The following PKP2 variants were observed in gnomAD, a reference collection of about 807,000 sequenced individuals.
The protein encoded by PKP2 is plakophilin 2.
PKP2 carries 73 observed loss-of-function variants against 83.4 expected under a neutral mutation model. The observed-to-expected ratio is 0.88, with a 90% CI of 0.72 to 1.06. The LOEUF is 1.06. PKP2 is among the 50% of genes least tolerant of loss of function. PKP2 has a pLI of 0.00. For missense variants in PKP2, 966 were observed against 1,065.4 expected, an observed-to-expected ratio of 0.91 and a Z score of 1.30; for synonymous variants, 409 against 430.4, an observed-to-expected ratio of 0.95 and a Z score of 0.62.
intron 4 of PKP2, among the ~76,000 whole-genome samples, chr12:32,852,818 T>C (rs894067203): frequency 2.6e-5 from 4 of 152,112 alleles, no homozygotes; most frequent in Non-Finnish European, 5.9e-5. Flanking sequence ...GCACGGTGGC[T>C]TATGCCTGTA....
chr12:32,856,531 C>G lies in PKP2; in HGVS notation c.1171-5558G>C, dbSNP rs144197674. Among the ~76,000 whole-genome samples the G allele has an allele frequency of 5.5e-3, 830 of 152,092 alleles. 10 individuals carry two copies. Among genetic ancestry groups the G allele is most frequent in the African/African-American group, 0.019 (777 of 41,468 alleles). On this transcript the variant is annotated intron_variant, in intron 4 of 12. Coordinates refer to ENST00000340811, the MANE Select transcript of PKP2 (RefSeq NM_001005242.3). ...AAAGAAGGTTCACCCCATGTTCTCA[C>G]TCATAGGTGGGAACTGAACAATGAG...
intron 5 of PKP2, among the ~76,000 whole-genome samples, chr12:32,850,554 A>G (rs1956686369): frequency 6.6e-6 from 1 of 151,444 alleles, no homozygotes; most frequent in African/African-American, 2.4e-5. Flanking sequence ...TGATAGAGCA[A>G]GATTCTGTCT....
chr12:32,835,270 C>T (rs895985015), intron 6 of PKP2, among the ~76,000 whole-genome samples: 9 of 152,074 alleles, frequency 5.9e-5, no homozygotes, highest in Admixed American at 5.9e-4. Context: ...GGGCAGGCTG[C>T]TCTTGAACTC....
intron 9 of PKP2, among the ~76,000 whole-genome samples, chr12:32,816,755 T>C (rs1956323924): frequency 6.6e-6 from 1 of 152,138 alleles, no homozygotes; most frequent in Admixed American, 6.5e-5. Flanking sequence ...CATCTGTTGT[T>C]TTTTGACTTT....
chr12:32,872,460 G>A (rs1284178410), intron 3 of PKP2, among the ~76,000 whole-genome samples: 3 of 152,134 alleles, frequency 2.0e-5, no homozygotes, highest in Non-Finnish European at 4.4e-5. Flanking sequence ...CTTGAACCTG[G>A]GAGATGGAGG....
At chr12:32,883,105 A>G (rs1164074855) in intron 1 of PKP2, among the ~76,000 whole-genome samples, 2 of 152,248 alleles carry the variant, frequency 1.3e-5, no homozygotes, top group Non-Finnish European at 2.9e-5. Context: ...GGCTGTTTTA[A>G]TGGTTCGCCA....
At chr12:32,878,787 C>T in intron 2 of PKP2, 133 bp downstream of exon 2, 1 of 703,470 alleles carries the variant, frequency 1.4e-6, no homozygotes. Flanking sequence ...TCATAAATAT[C>T]AATTTTCTCA....
chr12:32,806,946 C>T (rs1427768188), intron 9 of PKP2, among the ~76,000 whole-genome samples: 7 of 152,120 alleles, frequency 4.6e-5, no homozygotes, highest in Non-Finnish European at 1.0e-4. Flanking sequence ...TGACTTCTGC[C>T]TTAATTTCGT....
chr12:32,808,101 G>A (rs1264854563), intron 9 of PKP2, among the ~76,000 whole-genome samples: 1 of 152,194 alleles, frequency 6.6e-6, no homozygotes, highest in African/African-American at 2.4e-5. Flanking sequence ...TCTACTGGAT[G>A]ATATACTAAA....
At position 32,865,681 on chromosome 12, in the gene PKP2, C is replaced by CAAAAAAAAAAAAAAAAAAAAAAAAAAAAA. The variant is rs765071380; in HGVS notation, c.1170+3245_1170+3246insTTTTTTTTTTTTTTTTTTTTTTTTTTTTT. 8.2e-4 allele frequency among the ~76,000 whole-genome samples: 85 copies of CAAAAAAAAAAAAAAAAAAAAAAAAAAAAA among 103,558 alleles called. 8 individuals carry two copies. Among genetic ancestry groups the CAAAAAAAAAAAAAAAAAAAAAAAAAAAAA allele is most frequent in the Middle Eastern group, 4.9e-3 (1 of 204 alleles). The allele number at this position is 103,558 out of a possible 152,430, so 67.9% of individuals were successfully genotyped here. A position where few individuals can be genotyped will look rare whatever the true frequency, so the allele number is the denominator to read the frequency against. ...TGTCTGGAACAGAGTGACTCCGTCT[C>CAAAAAAAAAAAAAAAAAAAAAAAAAAAAA]AAAAAAAAAAAGACAAATAGATCAA... On this transcript the variant is annotated intron_variant, in intron 4 of 12. Coordinates refer to ENST00000340811, the MANE Select transcript of PKP2 (RefSeq NM_001005242.3).
At chr12:32,832,585 C>G (rs1355348077) in intron 6 of PKP2, among the ~76,000 whole-genome samples, 2 of 152,102 alleles carry the variant, frequency 1.3e-5, no homozygotes, top group African/African-American at 2.4e-5. Context: ...AGCCAAATAA[C>G]TGAGGCTGAA....
chr12:32,864,309 T>TACACACAC (rs35886681), intron 4 of PKP2, among the ~76,000 whole-genome samples: 2 of 145,830 alleles, frequency 1.4e-5, no homozygotes, highest in South Asian at 2.2e-4. Context: ...ACTATACACA[T>TACACACAC]ACACACACAC....
At position 32,896,728 on chromosome 12, in the gene PKP2, C is replaced by G; in HGVS notation, c.4G>C (p.Ala2Pro). 1 of 1,453,304 alleles carries G rather than the reference C, an allele frequency of 6.9e-7. No homozygotes were observed. 90.0% of individuals were successfully genotyped at this position (1,453,304 alleles called of 1,614,324 possible). ...TACTCAGCTGGGGCGCCGGGGGCTGCCATGGGGCCGGTGGGGGCGACCGAG... is the reference window on the plus strand; with the variant it reads ...TACTCAGCTGGGGCGCCGGGGGCTGGCATGGGGCCGGTGGGGGCGACCGAG... M[A>P]APGAPAEYGY... The change falls in exon 1 of 13, where the codon GCA (alanine) becomes CCA (proline). Residue 2 changes from alanine to proline, a missense_variant. Transcript: ENST00000340811.
At chr12:32,886,338 C>T (rs1324200865) in intron 1 of PKP2, among the ~76,000 whole-genome samples, 1 of 152,216 alleles carries the variant, frequency 6.6e-6, no homozygotes, top group Non-Finnish European at 1.5e-5. Flanking sequence ...CCAGGTAAGA[C>T]ATGGGATCTT....
chr12:32,855,925 G>A (rs1956743592), intron 4 of PKP2, among the ~76,000 whole-genome samples: 1 of 151,862 alleles, frequency 6.6e-6, no homozygotes, highest in African/African-American at 2.4e-5. Flanking sequence ...TTCAAATAAT[G>A]AGCCTGTATT....
At chr12:32,852,040 C>G (rs989196149) in intron 4 of PKP2, among the ~76,000 whole-genome samples, 2 of 152,152 alleles carry the variant, frequency 1.3e-5, no homozygotes, top group African/African-American at 4.8e-5. Flanking sequence ...CTAAAGAAAT[C>G]AGACACAGCG....
intron 5 of PKP2, among the ~76,000 whole-genome samples, chr12:32,848,623 A>G (rs1027057006): frequency 2.6e-5 from 4 of 152,160 alleles, no homozygotes; most frequent in Non-Finnish European, 4.4e-5. Flanking sequence ...TTGGGTATAC[A>G]TGGACTTAAA....
In PKP2 at chr12:32,839,759, C is replaced by A. The variant is rs185414832; in HGVS notation, c.1556+1269G>T. On this transcript the variant is annotated intron_variant, in intron 6 of 12. Coordinates refer to ENST00000340811, the MANE Select transcript of PKP2 (RefSeq NM_001005242.3). ...TAAGGCAATGGGAGCTGGAGAGAAA[C>A]TTTAAGACGTGAAATATGTTTAAGC... 2.2e-4 allele frequency among the ~76,000 whole-genome samples: 34 copies of A among 152,100 alleles called. No homozygotes were observed. The East Asian group carries it at 6.2e-3, about 28-fold the overall frequency.
In PKP2 at chr12:32,859,885, GTAAT is replaced by G. The variant is rs1221196769; in HGVS notation, c.1171-8916_1171-8913del. Among the ~76,000 whole-genome samples the G allele has an allele frequency of 3.3e-5, 5 of 152,184 alleles. No individual in the cohort carries two copies. In the South Asian group the frequency reaches 1.0e-3, roughly 31 times the overall value. ...AACAAAAGAATAATACCTTGTGGTA[GTAAT>G]GGTACATGGAAATGAACACTCTGAT... On this transcript the variant is annotated intron_variant, in intron 4 of 12. Transcript: ENST00000340811.
Sources: allele counts gnomAD v4.1 joint callset (sites outside exome capture counted in the v4.1 genomes callset), GRCh38; gene constraint gnomAD v4.1.1; transcripts MANE v1.5; gene names NCBI Gene and HGNC (gene_info 2026-07-23, HGNC 2026-07-21).